RGS7: variants seen among roughly 807,000 people sequenced by gnomAD.
RGS7 encodes the protein regulator of G protein signaling 7, also known as regulator of G-protein signaling 7.
A neutral mutation model predicts 81.1 loss-of-function variants in RGS7; 27 were observed. The ratio of observed to expected loss-of-function variants is 0.33; its 90% CI spans 0.25 to 0.46. The LOEUF is 0.46. Ranked by LOEUF, RGS7 falls within the 20% of genes least tolerant of loss-of-function variation. RGS7 has a pLI of 1.00. For synonymous variants in RGS7, 208 were observed against 207.7 expected, an observed-to-expected ratio of 1.00 and a Z score of -0.01; for missense variants, 396 against 607.4, an observed-to-expected ratio of 0.65 and a Z score of 3.66.
At chr1:240,883,780 C>T (rs559059643) in intron 6 of RGS7, among the ~76,000 whole-genome samples, 1 of 152,054 alleles carries the variant, frequency 6.6e-6, no homozygotes, top group South Asian at 2.1e-4. Flanking sequence ...GACAATCTTG[C>T]TATTTAAAAT....
chr1:240,939,735 T>C (rs553045748), intron 4 of RGS7, among the ~76,000 whole-genome samples: 12 of 151,990 alleles, frequency 7.9e-5, no homozygotes, highest in African/African-American at 2.9e-4. Flanking sequence ...GGCAAGAAAA[T>C]AGCTCTTATC....
chr1:241,228,857 A>G (rs2075479117), intron 2 of RGS7, among the ~76,000 whole-genome samples: 1 of 152,190 alleles, frequency 6.6e-6, no homozygotes, highest in Non-Finnish European at 1.5e-5. Flanking sequence ...ACAGAGAAAG[A>G]AAAATATGAA....
chr1:241,242,775 ATCT>A (rs760860500), intron 2 of RGS7, among the ~76,000 whole-genome samples: 8 of 151,972 alleles, frequency 5.3e-5, no homozygotes, highest in Non-Finnish European at 7.4e-5. Flanking sequence ...CCATTTTCAC[ATCT>A]TCTTTTGAGA....
At chr1:240,785,004 T>A (rs927497756) in intron 18 of RGS7, among the ~76,000 whole-genome samples, 1 of 152,138 alleles carries the variant, frequency 6.6e-6, no homozygotes, top group South Asian at 2.1e-4. Flanking sequence ...AGCTAAAGGA[T>A]GTTATCTGTT....
At chr1:240,935,640 A>G (rs1033972072) in intron 5 of RGS7, among the ~76,000 whole-genome samples, 10 of 152,220 alleles carry the variant, frequency 6.6e-5, no homozygotes, top group African/African-American at 2.2e-4. Context: ...AATCTTTAAA[A>G]TGATTTTTTA....
At chr1:240,982,098 G>C (rs751523061) in intron 4 of RGS7, among the ~76,000 whole-genome samples, 1 of 151,958 alleles carries the variant, frequency 6.6e-6, no homozygotes. Flanking sequence ...TGTTTGCCAC[G>C]TGTGAAAGGT....
intron 2 of RGS7, among the ~76,000 whole-genome samples, chr1:241,302,683 A>T (rs1038601788): frequency 6.6e-6 from 1 of 152,204 alleles, no homozygotes; most frequent in Non-Finnish European, 1.5e-5. Context: ...CAAAGTAGAG[A>T]AAAATGATAG....
At chr1:240,996,421 G>C (rs1253547999) in intron 3 of RGS7, among the ~76,000 whole-genome samples, 2 of 152,074 alleles carry the variant, frequency 1.3e-5, no homozygotes, top group African/African-American at 2.4e-5. Flanking sequence ...CTCTAATAAT[G>C]GAATAGTCTA....
chr1:240,924,023 T>G (rs1674011659), intron 6 of RGS7, among the ~76,000 whole-genome samples: 1 of 152,208 alleles, frequency 6.6e-6, no homozygotes, highest in Non-Finnish European at 1.5e-5. Context: ...TCACCATGTA[T>G]TTGATCTCTT....
At chr1:241,050,525 G>A (rs1285986577) in intron 3 of RGS7, among the ~76,000 whole-genome samples, 1 of 152,124 alleles carries the variant, frequency 6.6e-6, no homozygotes, top group African/African-American at 2.4e-5. Context: ...AGGGAAGATA[G>A]TACATATATT....
At chr1:241,135,851 C>T (rs951261491) in intron 2 of RGS7, among the ~76,000 whole-genome samples, 4 of 151,644 alleles carry the variant, frequency 2.6e-5, no homozygotes, top group Admixed American at 2.0e-4. Flanking sequence ...CAGCTCACCA[C>T]AACCTCCGCC....
intron 2 of RGS7, among the ~76,000 whole-genome samples, chr1:241,105,951 A>G (rs2102923445): frequency 6.6e-6 from 1 of 152,356 alleles, no homozygotes; most frequent in East Asian, 1.9e-4. Context: ...GTGTACTGTC[A>G]TTTTAAGTGC....
At chr1:241,046,278 C>T (rs150738372) in intron 3 of RGS7, among the ~76,000 whole-genome samples, 9 of 146,160 alleles carry the variant, frequency 6.2e-5, no homozygotes, top group Non-Finnish European at 1.3e-4. Flanking sequence ...AACACAATAC[C>T]TAATGGGTAG....
intron 6 of RGS7, among the ~76,000 whole-genome samples, chr1:240,884,492 A>T (rs1667007135): frequency 6.6e-6 from 1 of 152,190 alleles, no homozygotes; most frequent in South Asian, 2.1e-4. Context: ...GAGAACACTG[A>T]TGAATGTTTT....
chr1:241,158,394 G>C (rs187017198), intron 2 of RGS7, among the ~76,000 whole-genome samples: 4 of 152,312 alleles, frequency 2.6e-5, no homozygotes, highest in Admixed American at 2.6e-4. Flanking sequence ...ATGTCTGTAA[G>C]TATCTGGCCT....
chr1:241,190,495 T>C (rs2072557057), intron 2 of RGS7, among the ~76,000 whole-genome samples: 3 of 152,168 alleles, frequency 2.0e-5, no homozygotes, highest in African/African-American at 7.2e-5. Flanking sequence ...TGTGCTTCCT[T>C]TGATTAGTAC....
chr1:241,071,343 A>C (rs1208957054), intron 3 of RGS7, among the ~76,000 whole-genome samples: 1 of 152,154 alleles, frequency 6.6e-6, no homozygotes, highest in Admixed American at 6.5e-5. Context: ...TTAGGAACTG[A>C]CCCGAATAGA....
chr1:241,012,241 T>C (rs2058995635), intron 3 of RGS7, among the ~76,000 whole-genome samples: 1 of 151,970 alleles, frequency 6.6e-6, no homozygotes, highest in African/African-American at 2.4e-5. Flanking sequence ...AGATACACAA[T>C]AGGACATGAC....
In RGS7 at chr1:241,327,142, GA is replaced by G. The variant is rs563253403; in HGVS notation, c.78+28556del. ...AGAAAGAAAGAAAGAAAGAAAGAAA[GA>G]AAGGAAAGAAAGAAAGAAAGAAACA... is the stretch of plus-strand genomic sequence containing the variant. On this transcript the variant is annotated intron_variant, in intron 2 of 18. Transcript: ENST00000440928. 2.0e-3 allele frequency among the ~76,000 whole-genome samples: 170 copies of G among 85,416 alleles called. 10 individuals are homozygous for G. Among genetic ancestry groups the G allele is most frequent in the Non-Finnish European group, 3.1e-3 (117 of 37,224 alleles). The allele number at this position is 85,416 out of a possible 152,430, so 56.0% of individuals were successfully genotyped here.
Sources: gnomAD v4.1 joint callset for allele counts (sites outside exome capture counted in the v4.1 genomes callset) on GRCh38, gnomAD v4.1.1 for gene constraint, MANE v1.5 for transcripts, NCBI Gene and HGNC (gene_info 2026-07-23, HGNC 2026-07-21) for gene names.